The following CAMK2D variants were observed in gnomAD, a reference collection of about 807,000 sequenced individuals.
CAMK2D encodes calcium/calmodulin dependent protein kinase II delta, also known as calcium/calmodulin-dependent protein kinase type II subunit delta.
CAMK2D carries 37 observed loss-of-function variants against 84.0 expected under a neutral mutation model. The observed-to-expected ratio is 0.44, with a 90% CI of 0.34 to 0.58. The LOEUF (loss-of-function observed/expected upper bound fraction) is 0.58. Ranked by LOEUF, CAMK2D falls within the 20% of genes least tolerant of loss-of-function variation. The probability of loss-of-function intolerance (pLI) is 0.02; values close to 1 mark genes in which losing one functional copy is unlikely to be tolerated. For missense variants in CAMK2D, 448 were observed against 652.5 expected (o/e 0.69, Z 3.41); for synonymous variants, 202 against 212.5 (o/e 0.95, Z 0.43).
intron 16 of CAMK2D, among the ~76,000 whole-genome samples, chr4:113,499,092 C>G (rs1335470522): frequency 6.6e-6 from 1 of 152,006 alleles, no homozygotes; most frequent in East Asian, 1.9e-4. Context: ...GCTAATGAAT[C>G]CAAAACACAA....
chr4:113,672,967 C>T (rs997752911), intron 2 of CAMK2D, among the ~76,000 whole-genome samples: 1 of 152,034 alleles, frequency 6.6e-6, no homozygotes, highest in Admixed American at 6.5e-5. Context: ...AGGCTAAAAA[C>T]AAAATAATTA....
intron 2 of CAMK2D, among the ~76,000 whole-genome samples, chr4:113,667,309 A>C (rs1487226242): frequency 6.6e-6 from 1 of 152,232 alleles, no homozygotes; most frequent in Non-Finnish European, 1.5e-5. Flanking sequence ...TGAATAAATG[A>C]ATGAAGGATG....
intron 4 of CAMK2D, among the ~76,000 whole-genome samples, chr4:113,556,184 T>C (rs780649255): frequency 3.9e-5 from 6 of 152,176 alleles, no homozygotes; most frequent in African/African-American, 1.2e-4. Context: ...ATGAAGTAGA[T>C]ACTAGTGCTA....
intron 16 of CAMK2D, among the ~76,000 whole-genome samples, chr4:113,480,005 A>G (rs1053527479): frequency 4.6e-5 from 7 of 152,146 alleles, no homozygotes; most frequent in Non-Finnish European, 8.8e-5. Context: ...TCTGTCGCCC[A>G]GGTTGGGGTG....
chr4:113,702,382 C>G (rs1305920790), intron 2 of CAMK2D, among the ~76,000 whole-genome samples: 7 of 152,058 alleles, frequency 4.6e-5, no homozygotes, highest in African/African-American at 1.4e-4. Flanking sequence ...AAAAGTCATT[C>G]TTAGCTTACT....
intron 16 of CAMK2D, among the ~76,000 whole-genome samples, chr4:113,484,032 C>T (rs997322166): frequency 6.6e-6 from 1 of 152,142 alleles, no homozygotes; most frequent in South Asian, 2.1e-4. Context: ...CCGAGAGACT[C>T]ATGAAATCTG....
intron 8 of CAMK2D, among the ~76,000 whole-genome samples, chr4:113,520,172 A>C (rs1213196891): frequency 6.6e-6 from 1 of 151,766 alleles, no homozygotes; most frequent in Non-Finnish European, 1.5e-5. Flanking sequence ...TTGGGAGGCC[A>C]AAACGGGCAA....
chr4:113,600,244 A>G (rs2098946046), intron 4 of CAMK2D, among the ~76,000 whole-genome samples: 2 of 152,198 alleles, frequency 1.3e-5, no homozygotes, highest in South Asian at 4.1e-4. Flanking sequence ...AAACCCATAC[A>G]ATGTAAAACA....
chr4:113,735,617 C>T (rs2099579532), intron 2 of CAMK2D, among the ~76,000 whole-genome samples: 1 of 152,052 alleles, frequency 6.6e-6, no homozygotes, highest in Admixed American at 6.5e-5. Context: ...GAGAGATGCA[C>T]AGGAGAAGGG....
intron 4 of CAMK2D, among the ~76,000 whole-genome samples, chr4:113,558,359 C>T (rs916148896): frequency 3.3e-5 from 5 of 151,982 alleles, no homozygotes; most frequent in South Asian, 4.2e-4. Context: ...TAGTAATTTG[C>T]TATCAATAAT....
intron 8 of CAMK2D, among the ~76,000 whole-genome samples, chr4:113,526,432 G>GTA: frequency 6.6e-6 from 1 of 152,148 alleles, no homozygotes; most frequent in East Asian, 1.9e-4. Flanking sequence ...GTGTGTGTGT[G>GTA]TGTGTGTGTG....
intron 2 of CAMK2D, among the ~76,000 whole-genome samples, chr4:113,739,162 A>T (rs1017517599): frequency 1.3e-5 from 2 of 152,166 alleles, no homozygotes; most frequent in Non-Finnish European, 2.9e-5. Context: ...ATTTCACTGG[A>T]AAGAAAGGCA....
intron 9 of CAMK2D, 35 bp downstream of exon 9, chr4:113,517,528 C>A: frequency 2.0e-6 from 2 of 988,936 alleles, no homozygotes; most frequent in South Asian, 1.7e-5. Context: ...AAAGACAAAC[C>A]TTCATCTAAA....
chr4:113,706,922 GT>G lies in CAMK2D; in HGVS notation c.161-45151del, dbSNP rs931241849. Reference sequence around the variant, plus strand: ...TGAATACATTAAAATCTTTTAAAAAGTTTTTTTTTTCACATCAAAATATCCT... The same window carrying G: ...TGAATACATTAAAATCTTTTAAAAAGTTTTTTTTTCACATCAAAATATCCT... On this transcript the variant is annotated intron_variant, in intron 2 of 20. Transcript: ENST00000511664. Among the ~76,000 whole-genome samples, 1,214 of 148,980 alleles carry G rather than the reference GT, an allele frequency of 8.1e-3. 13 individuals carry two copies. Among genetic ancestry groups the G allele is most frequent in the African/African-American group, 0.028 (1,138 of 40,728 alleles).
chr4:113,561,048 G>GA (rs1321484989), intron 4 of CAMK2D, among the ~76,000 whole-genome samples: 1 of 152,056 alleles, frequency 6.6e-6, no homozygotes, highest in Non-Finnish European at 1.5e-5. Context: ...TGAACACCTA[G>GA]GAAGAAACAG....
chr4:113,570,081 A>AT (rs2098745338), intron 4 of CAMK2D, among the ~76,000 whole-genome samples: 1 of 152,150 alleles, frequency 6.6e-6, no homozygotes, highest in African/African-American at 2.4e-5. Context: ...GATGAAAGAT[A>AT]TGTACATTGA....
intron 2 of CAMK2D, among the ~76,000 whole-genome samples, chr4:113,667,922 A>G (rs1403957243): frequency 6.6e-6 from 1 of 152,198 alleles, no homozygotes; most frequent in African/African-American, 2.4e-5. Flanking sequence ...GTAGAATTAG[A>G]TATAGATGCT....
intron 16 of CAMK2D, among the ~76,000 whole-genome samples, chr4:113,489,614 GT>G (rs1348928021): frequency 2.0e-5 from 3 of 148,978 alleles, no homozygotes; most frequent in Non-Finnish European, 4.5e-5. Flanking sequence ...GTGTGCATGT[GT>G]CTTTATAGCA....
At chr4:113,524,369 T>C (rs2098400393) in intron 8 of CAMK2D, among the ~76,000 whole-genome samples, 1 of 152,200 alleles carries the variant, frequency 6.6e-6, no homozygotes, top group East Asian at 1.9e-4. Context: ...TAATACTTCA[T>C]GTGAGTAGAA....
Sources: allele counts gnomAD v4.1 joint callset (sites outside exome capture counted in the v4.1 genomes callset), GRCh38; gene constraint gnomAD v4.1.1; transcripts MANE v1.5; gene names NCBI Gene and HGNC (gene_info 2026-07-23, HGNC 2026-07-21).